CACNA1C: variants seen among roughly 807,000 people sequenced by gnomAD.
The protein encoded by CACNA1C is calcium voltage-gated channel subunit alpha1 C.
Under a neutral mutation model 229.0 loss-of-function variants are expected in CACNA1C, and 30 were observed. The ratio of observed to expected loss-of-function variants is 0.13; its 90% CI spans 0.10 to 0.18. CACNA1C has a LOEUF of 0.18. Ranked by LOEUF, CACNA1C falls within the 10% of genes least tolerant of loss-of-function variation. CACNA1C has a pLI of 1.00. For missense variants in CACNA1C, 1,658 were observed against 2,845.0 expected, an observed-to-expected ratio of 0.58 and a Z score of 9.49; for synonymous variants, 1,114 against 1,132.5, an observed-to-expected ratio of 0.98 and a Z score of 0.33.
At position 2,089,427 on chromosome 12, in the gene CACNA1C, A is replaced by G. The variant is rs11062113; in HGVS notation, c.50-25797A>G. On this transcript the variant is annotated intron_variant, in intron 1 of 46. Transcript: ENST00000399655. Reference sequence around the variant, plus strand: ...CACCATGCTGGACGCCGTGCGAGGTACTTGGAGTAGTAAGACTTGACTCCT... The same window carrying G: ...CACCATGCTGGACGCCGTGCGAGGTGCTTGGAGTAGTAAGACTTGACTCCT... Among the ~76,000 whole-genome samples the G allele has an allele frequency of 7.6e-3, 1,161 of 152,308 alleles. 13 individuals carry two copies. The highest frequency in any genetic ancestry group is 0.026 in the African/African-American group (1,100 of 41,568).
intron 34 of CACNA1C, among the ~76,000 whole-genome samples, chr12:2,656,576 AC>A (rs1412466848): frequency 6.6e-6 from 1 of 152,250 alleles, no homozygotes; most frequent in African/African-American, 2.4e-5. Context: ...AATGGAAAAA[AC>A]AATCCTAAAA....
chr12:2,338,852 C>T (rs1445181278), intron 3 of CACNA1C, among the ~76,000 whole-genome samples: 1 of 152,060 alleles, frequency 6.6e-6, no homozygotes, highest in Admixed American at 6.6e-5. Flanking sequence ...CCCCAACACA[C>T]CCCCAAGTTG....
At chr12:2,081,339 G>A (rs182104436) in intron 1 of CACNA1C, among the ~76,000 whole-genome samples, 95 of 113,302 alleles carry the variant, frequency 8.4e-4, no homozygotes, top group African/African-American at 3.1e-3. Context: ...GGGAGGCTGA[G>A]GTGGGTGGAT....
Position 2,521,165 on chromosome 12 carries a change from AC to A in CACNA1C, c.1390+8184del, listed in dbSNP as rs202153557. On this transcript the variant is annotated intron_variant, in intron 9 of 46. Transcript: ENST00000399655. Reference sequence around the variant, plus strand: ...AAGACACCAGAAGAAGGATTCCCACACCCTTTTTAGATACCTGCCTTTGTAT... The same window carrying A: ...AAGACACCAGAAGAAGGATTCCCACACCTTTTTAGATACCTGCCTTTGTAT... Among the ~76,000 whole-genome samples, 1,225 of 152,264 alleles carry A rather than the reference AC, an allele frequency of 8.0e-3. 14 individuals are homozygous for A. The highest frequency in any genetic ancestry group is 0.014 in the Non-Finnish European group (982 of 68,020).
chr12:2,227,222 A>G (rs2063275246), intron 3 of CACNA1C, among the ~76,000 whole-genome samples: 1 of 152,228 alleles, frequency 6.6e-6, no homozygotes, highest in African/African-American at 2.4e-5. Context: ...TTTCTGGAAA[A>G]ATGGTTCTTG....
intron 44 of CACNA1C, among the ~76,000 whole-genome samples, 152 bp downstream of exon 44, chr12:2,685,994 G>A (rs1410119504): frequency 1.3e-5 from 2 of 152,172 alleles, no homozygotes; most frequent in Non-Finnish European, 2.9e-5. Context: ...CCAAAGGCAG[G>A]GTGTGCAGGG....
intron 3 of CACNA1C, among the ~76,000 whole-genome samples, chr12:2,399,489 A>G (rs545670342): frequency 6.6e-6 from 1 of 152,268 alleles, no homozygotes; most frequent in East Asian, 1.9e-4. Flanking sequence ...CTTCCTCTGG[A>G]GTTCAGCCAT....
intron 9 of CACNA1C, among the ~76,000 whole-genome samples, chr12:2,533,868 G>A (rs912134019): frequency 1.3e-5 from 2 of 152,198 alleles, no homozygotes; most frequent in Non-Finnish European, 2.9e-5. Context: ...GTCTCCCCAG[G>A]TTGTTGGGAG....
rs1055438483 is a variant in CACNA1C at position 2,653,256 on chromosome 12, A to AT, written c.4075-574dup. Among the ~76,000 whole-genome samples, 2 of 152,122 alleles carry AT rather than the reference A, an allele frequency of 1.3e-5. No homozygotes were observed. Among genetic ancestry groups the AT allele is most frequent in the African/African-American group, 4.8e-5 (2 of 41,422 alleles). On this transcript the variant is annotated intron_variant, in intron 32 of 46. Transcript: ENST00000399655. The surrounding 1 kb of genome is among the most constrained non-coding windows in gnomAD (Gnocchi z 4.7). ...GCTGAGAGGTATTATTATTGTTTCC[A>AT]TTTTTCTGATGAGGAGACTGAAGTT...
At chr12:2,087,815 A>C (rs1007616500) in intron 1 of CACNA1C, among the ~76,000 whole-genome samples, 6 of 152,306 alleles carry the variant, frequency 3.9e-5, no homozygotes, top group African/African-American at 1.4e-4. Flanking sequence ...AAAATAAAAA[A>C]GCTGGGTGTT....
At chr12:2,533,164 G>A (rs1328221031) in intron 9 of CACNA1C, among the ~76,000 whole-genome samples, 2 of 152,210 alleles carry the variant, frequency 1.3e-5, no homozygotes, top group Non-Finnish European at 2.9e-5. Context: ...ACAGAGGCAG[G>A]CGTTCATCCC....
At chr12:2,121,121 T>C (rs937799326) in intron 3 of CACNA1C, among the ~76,000 whole-genome samples, 3 of 152,166 alleles carry the variant, frequency 2.0e-5, no homozygotes, top group Non-Finnish European at 4.4e-5. Flanking sequence ...GTTGGCAAAA[T>C]TGGGGCACTC....
At chr12:2,026,771 G>T (rs2047401042) in intron 1 of CACNA1C, among the ~76,000 whole-genome samples, 1 of 152,206 alleles carries the variant, frequency 6.6e-6, no homozygotes, top group Non-Finnish European at 1.5e-5. Context: ...AAGATTTCAT[G>T]TGAGAGTTTA....
chr12:2,402,505 C>T (rs1187162912), intron 3 of CACNA1C, among the ~76,000 whole-genome samples: 1 of 152,216 alleles, frequency 6.6e-6, no homozygotes, highest in Non-Finnish European at 1.5e-5. Flanking sequence ...CTGTCCCAGG[C>T]CTCACTCTGC....
At chr12:1,973,052 C>T (rs1408266118) in intron 1 of CACNA1C, among the ~76,000 whole-genome samples, 9 of 152,194 alleles carry the variant, frequency 5.9e-5, no homozygotes, top group Admixed American at 2.6e-4. Flanking sequence ...TGCTTTCCTC[C>T]GGCATGTTCT....
At chr12:2,238,484 A>G (rs1056950489) in intron 3 of CACNA1C, among the ~76,000 whole-genome samples, 1 of 152,238 alleles carries the variant, frequency 6.6e-6, no homozygotes, top group African/African-American at 2.4e-5. Flanking sequence ...GAACTGCTAT[A>G]GGAACTCCAC....
rs772932484 is a variant in CACNA1C at position 2,691,247 on chromosome 12, A to G, written c.*48A>G. Reference sequence around the variant, plus strand: ...TTTTTTTATTTGTTTCAATGTTCCTAATGGGTTCGTTTCAGAAGTGCCTCA... The same window carrying G: ...TTTTTTTATTTGTTTCAATGTTCCTGATGGGTTCGTTTCAGAAGTGCCTCA... On this transcript the variant is annotated 3_prime_UTR_variant, in exon 47 of 47. Transcript: ENST00000399655. 3 of 1,482,656 alleles carry G rather than the reference A, an allele frequency of 2.0e-6. No homozygotes were observed. The Admixed American group carries it at 7.3e-5, about 36-fold the overall frequency. 91.8% of individuals were successfully genotyped at this position (1,482,656 alleles called of 1,614,324 possible). A position where few individuals can be genotyped will look rare whatever the true frequency, so the allele number is the denominator to read the frequency against.
At chr12:2,385,319 C>G (rs2098357679) in intron 3 of CACNA1C, among the ~76,000 whole-genome samples, 1 of 151,996 alleles carries the variant, frequency 6.6e-6, no homozygotes, top group Non-Finnish European at 1.5e-5. Flanking sequence ...AGAGGCTTTT[C>G]TGATGCCTGC....
intron 3 of CACNA1C, among the ~76,000 whole-genome samples, chr12:2,121,525 C>T (rs373277074): frequency 5.1e-4 from 78 of 152,326 alleles, no homozygotes; most frequent in East Asian, 4.6e-3. Flanking sequence ...TCACCGCCTG[C>T]GGGCTGTGGT....
Sources: gnomAD v4.1 joint callset for allele counts (sites outside exome capture counted in the v4.1 genomes callset) on GRCh38, gnomAD v4.1.1 for gene constraint, Gnocchi (gnomAD v3.1) non-coding constraint, MANE v1.5 for transcripts, NCBI Gene and HGNC (gene_info 2026-07-23, HGNC 2026-07-21) for gene names.